Variants in RBFOX1 observed in about 807,000 individuals in gnomAD.
RBFOX1 encodes RNA binding fox-1 homolog 1, also known as RNA binding protein fox-1 homolog 1.
In RBFOX1, 8 loss-of-function variants were observed where a neutral mutation model predicts 57.7. The observed-to-expected ratio is 0.14, with a 90% CI of 0.08 to 0.25. The LOEUF is 0.25. RBFOX1 is among the 10% of genes least tolerant of loss of function. RBFOX1 has a pLI of 1.00. For missense variants in RBFOX1, 611 were observed against 548.5 expected (o/e 1.11, Z -1.14); for synonymous variants, 326 against 222.4 (o/e 1.47, Z -4.15).
At chr16:5,511,086 T>C (rs549165574) in intron 2 of RBFOX1, among the ~76,000 whole-genome samples, 376 of 151,754 alleles carry the variant, frequency 2.5e-3, no homozygotes, top group African/African-American at 8.6e-3. Context: ...AAAAAAACAG[T>C]GTGGTTTGTT....
intron 3 of RBFOX1, among the ~76,000 whole-genome samples, chr16:5,842,270 T>C (rs1345009740): frequency 1.3e-5 from 2 of 152,096 alleles, no homozygotes; most frequent in African/African-American, 4.8e-5. Flanking sequence ...GATCATCATA[T>C]GAGAAGTAGT....
chr16:7,709,134 G>A lies in RBFOX1; in HGVS notation c.1071+3G>A, dbSNP rs79369633. 38,685 of 1,610,716 alleles carry A rather than the reference G, an allele frequency of 0.024. 602 individuals carry two copies. The highest frequency in any genetic ancestry group is 0.036 in the Middle Eastern group (219 of 6,052). ...CCACCTACGGCGTTGGTGCCATGGT[G>A]AGTACAAGTTTCTCCTTGTCCTCAC... On this transcript the variant is annotated splice_donor_region_variant and intron_variant, in intron 15 of 15. Coordinates refer to ENST00000550418, the MANE Select transcript of RBFOX1 (RefSeq NM_018723.4).
intron 3 of RBFOX1, among the ~76,000 whole-genome samples, chr16:7,037,676 A>C (rs955264656): frequency 6.6e-6 from 1 of 152,196 alleles, no homozygotes; most frequent in Non-Finnish European, 1.5e-5. Context: ...AACTCATTCA[A>C]ATCATGTGAT....
chr16:6,526,842 A>C (rs1300723653), intron 2 of RBFOX1, among the ~76,000 whole-genome samples: 4 of 148,172 alleles, frequency 2.7e-5, no homozygotes, highest in African/African-American at 1.0e-4. Flanking sequence ...AAAAAAAAAA[A>C]AAAAAAAAAA....
Position 6,785,483 on chromosome 16 carries a change from G to A in RBFOX1, c.-16+130833G>A, listed in dbSNP as rs112266217. 9.7e-3 allele frequency among the ~76,000 whole-genome samples: 1,483 copies of A among 152,252 alleles called. 17 individuals carry two copies. Among genetic ancestry groups the A allele is most frequent in the Non-Finnish European group, 0.015 (1,026 of 68,010 alleles). Reference sequence around the variant, plus strand: ...AGACAATTGGCAATAAAAGCCATTTGCATCTGGGCAACACCTTTCCATCCT... The same window carrying A: ...AGACAATTGGCAATAAAAGCCATTTACATCTGGGCAACACCTTTCCATCCT... On this transcript the variant is annotated intron_variant, in intron 3 of 15. Transcript: ENST00000550418.
At chr16:7,080,068 T>TAC (rs1293760129) in intron 4 of RBFOX1, among the ~76,000 whole-genome samples, 8 of 135,650 alleles carry the variant, frequency 5.9e-5, no homozygotes, top group African/African-American at 2.5e-4. Flanking sequence ...ATTATATATA[T>TAC]ACATATATAC....
intron 3 of RBFOX1, among the ~76,000 whole-genome samples, chr16:5,672,412 G>C (rs940175249): frequency 2.6e-5 from 4 of 152,104 alleles, no homozygotes; most frequent in African/African-American, 9.7e-5. Flanking sequence ...TCCTGCTCCA[G>C]GGCCTTTGCA....
intron 14 of RBFOX1, among the ~76,000 whole-genome samples, chr16:7,699,358 A>T (rs1282061302): frequency 1.3e-5 from 2 of 152,110 alleles, no homozygotes; most frequent in African/African-American, 2.4e-5. Flanking sequence ...CACCCAGCTG[A>T]TATCTTAATT....
At chr16:6,261,686 T>G (rs895624972) in intron 1 of RBFOX1, among the ~76,000 whole-genome samples, 2 of 152,092 alleles carry the variant, frequency 1.3e-5, no homozygotes, top group African/African-American at 4.8e-5. Flanking sequence ...AAACAGTGGC[T>G]TTTAAAAGTT....
At chr16:7,186,108 A>C (rs1413302014) in intron 4 of RBFOX1, among the ~76,000 whole-genome samples, 1 of 151,992 alleles carries the variant, frequency 6.6e-6, no homozygotes, top group Non-Finnish European at 1.5e-5. Context: ...ATTTAATTGC[A>C]CAGATATGTA....
intron 4 of RBFOX1, among the ~76,000 whole-genome samples, chr16:7,488,680 CATCT>C (rs2066087890): frequency 6.6e-6 from 1 of 152,132 alleles, no homozygotes; most frequent in African/African-American, 2.4e-5. Context: ...ATCATCTATC[CATCT>C]ATCTATACAT....
chr16:5,311,104 T>G (rs1318140165), intron 1 of RBFOX1, among the ~76,000 whole-genome samples: 2 of 152,198 alleles, frequency 1.3e-5, no homozygotes, highest in Admixed American at 6.5e-5. Flanking sequence ...TGGTTTCCCA[T>G]TCCTGAGTTA....
intron 1 of RBFOX1, among the ~76,000 whole-genome samples, chr16:6,073,038 A>C (rs1311874983): frequency 3.9e-5 from 6 of 152,236 alleles, no homozygotes; most frequent in Admixed American, 3.9e-4. Flanking sequence ...ATTTATGGAC[A>C]TATCTCAGAC....
chr16:7,234,103 T>C (rs2093646747), intron 4 of RBFOX1, among the ~76,000 whole-genome samples: 2 of 152,162 alleles, frequency 1.3e-5, no homozygotes. Context: ...TCAATTTTCA[T>C]TGCATTCAGC....
chr16:5,661,521 TTATC>T (rs1349545413), intron 3 of RBFOX1, among the ~76,000 whole-genome samples: 1 of 152,260 alleles, frequency 6.6e-6, no homozygotes, highest in African/African-American at 2.4e-5. Context: ...ACAAATGTCT[TTATC>T]TATTAAGTTT....
At chr16:6,023,818 G>A (rs1004982932) in intron 1 of RBFOX1, among the ~76,000 whole-genome samples, 6 of 152,144 alleles carry the variant, frequency 3.9e-5, no homozygotes, top group African/African-American at 9.7e-5. Context: ...CCGAGGCGAC[G>A]TTTTTAAAGA....
intron 3 of RBFOX1, among the ~76,000 whole-genome samples, chr16:6,729,122 G>A (rs1373522585): frequency 6.6e-6 from 1 of 152,074 alleles, no homozygotes; most frequent in Non-Finnish European, 1.5e-5. Context: ...AAACTAAGGA[G>A]TTTTGTTCTT....
At chr16:5,607,340 A>C (rs1227147080) in intron 3 of RBFOX1, among the ~76,000 whole-genome samples, 1 of 152,106 alleles carries the variant, frequency 6.6e-6, no homozygotes, top group Admixed American at 6.5e-5. Context: ...GTTCTGATTA[A>C]AGGAAGTTGG....
At chr16:6,918,720 G>A (rs1397580262) in intron 3 of RBFOX1, among the ~76,000 whole-genome samples, 3 of 152,128 alleles carry the variant, frequency 2.0e-5, no homozygotes, top group Admixed American at 6.5e-5. Context: ...TCTGCCTTCC[G>A]AATGCAGACA....
Sources: gnomAD v4.1 joint callset for allele counts (sites outside exome capture counted in the v4.1 genomes callset) on GRCh38, gnomAD v4.1.1 for gene constraint, MANE v1.5 for transcripts, NCBI Gene and HGNC (gene_info 2026-07-23, HGNC 2026-07-21) for gene names.